Variants in SGIP1 observed in about 807,000 individuals in gnomAD.
SGIP1 encodes the protein SH3-containing GRB2-like protein 3-interacting protein 1.
In SGIP1, 38 loss-of-function variants were observed where a neutral mutation model predicts 107.5. The observed-to-expected ratio is 0.35, with a 90% CI of 0.27 to 0.46. The LOEUF (loss-of-function observed/expected upper bound fraction) is 0.46. SGIP1 is among the 20% of genes least tolerant of loss of function. SGIP1 has a pLI of 1.00. For missense variants in SGIP1, 929 were observed against 1,019.5 expected (o/e 0.91, Z 1.21); for synonymous variants, 365 against 366.1 (o/e 1.00, Z 0.03).
At chr1:66,732,986 T>C (rs1259745957) in intron 20 of SGIP1, among the ~76,000 whole-genome samples, 3 of 152,244 alleles carry the variant, frequency 2.0e-5, no homozygotes, top group African/African-American at 7.2e-5. Context: ...GTTTGTACAC[T>C]CTTGCCTGAT....
intron 8 of SGIP1, chr1:66,666,029 G>A (rs571643514): frequency 1.3e-5 from 2 of 152,274 alleles, no homozygotes; most frequent in South Asian, 4.1e-4. Flanking sequence ...TGGTGTTTTA[G>A]TCATGAAGTC....
chr1:66,740,508 G>A lies in SGIP1; in HGVS notation c.2235-150G>A, dbSNP rs1055859464. 1.9e-5 allele frequency: 12 copies of A among 645,374 alleles called. 1 individual carries two copies. In the East Asian group the frequency reaches 2.8e-4, roughly 15 times the overall value. 40.0% of individuals were successfully genotyped at this position (645,374 alleles called of 1,614,324 possible). A position where few individuals can be genotyped will look rare whatever the true frequency, so the allele number is the denominator to read the frequency against. On this transcript the variant is annotated intron_variant, in intron 22 of 24. Coordinates refer to ENST00000371037, the MANE Select transcript of SGIP1 (RefSeq NM_032291.4). ...AAAAGAGATTTATGTATGTCTGGGAGGGGAGAGAGAGAGACAGGGAATTTT... is the reference window on the plus strand; with the variant it reads ...AAAAGAGATTTATGTATGTCTGGGAAGGGAGAGAGAGAGACAGGGAATTTT...
At chr1:66,592,504 T>C (rs967465469) in intron 1 of SGIP1, among the ~76,000 whole-genome samples, 1 of 152,212 alleles carries the variant, frequency 6.6e-6, no homozygotes, top group African/African-American at 2.4e-5. Flanking sequence ...TATGTCTACT[T>C]CTTTCTACAT....
chr1:66,644,184 C>T (rs533392083), intron 7 of SGIP1, among the ~76,000 whole-genome samples: 10 of 152,092 alleles, frequency 6.6e-5, no homozygotes, highest in African/African-American at 2.4e-4. Flanking sequence ...AAAAACTAAT[C>T]CAAATCATAG....
intron 18 of SGIP1, among the ~76,000 whole-genome samples, chr1:66,701,196 T>C (rs1228860899): frequency 2.0e-4 from 31 of 152,166 alleles, no homozygotes; most frequent in Admixed American, 2.0e-3. Flanking sequence ...TACTAATTCA[T>C]TCATTTGAGA....
At chr1:66,564,184 A>C (rs1215468577) in intron 1 of SGIP1, among the ~76,000 whole-genome samples, 1 of 151,974 alleles carries the variant, frequency 6.6e-6, no homozygotes, top group African/African-American at 2.4e-5. Flanking sequence ...GGAAACGACT[A>C]AACTAGTTCA....
upstream of SGIP1, among the ~76,000 whole-genome samples, chr1:66,533,940 G>A (rs2052958101): frequency 6.6e-6 from 1 of 151,728 alleles, no homozygotes; most frequent in Admixed American, 6.6e-5. Context: ...GTCACCAGGT[G>A]GGGAAGGGGC....
At chr1:66,633,473 C>T (rs1023770134) in intron 3 of SGIP1, among the ~76,000 whole-genome samples, 1 of 152,106 alleles carries the variant, frequency 6.6e-6, no homozygotes, top group African/African-American at 2.4e-5. Flanking sequence ...AAGCTGAGAT[C>T]CAAGAAAATT....
At chr1:66,695,389 C>T (rs745853670) in intron 17 of SGIP1, 45 bp from the exon 18 acceptor site, 1 of 1,613,886 alleles carries the variant, frequency 6.2e-7, no homozygotes, top group Non-Finnish European at 8.5e-7. Flanking sequence ...TTCTCTCTCC[C>T]TTTCCTTAAC....
intron 1 of SGIP1, among the ~76,000 whole-genome samples, chr1:66,613,244 G>A (rs114097544): frequency 0.016 from 2,361 of 152,194 alleles, 60 homozygotes; most frequent in African/African-American, 0.051. Context: ...AAAAATCAGA[G>A]GATGTCACTT....
rs924463591 is a variant in SGIP1, at chr1:66,638,452, A to G, written c.172-1325A>G. ...AAGATTAAAATGATGTAGTCTGCAT[A>G]CAAATAATCTATGTCAGAAGTGGGA... On this transcript the variant is annotated intron_variant, in intron 4 of 24. Coordinates refer to ENST00000371037, the MANE Select transcript of SGIP1 (RefSeq NM_032291.4). Among the ~76,000 whole-genome samples the G allele has an allele frequency of 2.6e-5, 4 of 152,228 alleles. No individual in the cohort carries two copies. In the East Asian group the frequency reaches 7.7e-4, roughly 29 times the overall value.
chr1:66,570,287 CCT>C (rs2060210034), intron 1 of SGIP1, among the ~76,000 whole-genome samples: 1 of 151,648 alleles, frequency 6.6e-6, no homozygotes, highest in African/African-American at 2.4e-5. Context: ...TGAAACTTCC[CCT>C]GTTTTGTTTG....
intron 17 of SGIP1, 53 bp from the exon 18 acceptor site, chr1:66,695,379 TTC>T (rs753093725): frequency 8.1e-6 from 13 of 1,613,350 alleles, no homozygotes; most frequent in Non-Finnish European, 1.0e-5. Context: ...CATTGTGTCC[TTC>T]TCTCTCCCTT....
chr1:66,729,376 A>G lies in SGIP1; in HGVS notation c.1855A>G (p.Ser619Gly), dbSNP rs145638797. 2 of 1,614,012 alleles carry G rather than the reference A, an allele frequency of 1.2e-6. No homozygotes were observed. Among genetic ancestry groups the G allele is most frequent in the African/African-American group, 2.7e-5 (2 of 74,908 alleles). Residue 619 changes from serine to glycine, a missense_variant, in exon 20 of 25, where the codon AGC becomes GGC. Coordinates refer to ENST00000371037, the MANE Select transcript of SGIP1 (RefSeq NM_032291.4). ...AALTFRVINF[S>G]RLEHVLPNPQ... ...TCTGACTTTTCGGGTGATAAATTTC[A>G]GCAGGTTAGAACACGTCCTGCCAAA...
chr1:66,655,702 T>C (rs2079621841), intron 7 of SGIP1, among the ~76,000 whole-genome samples: 1 of 151,988 alleles, frequency 6.6e-6, no homozygotes, highest in Non-Finnish European at 1.5e-5. Context: ...TATCCAAACA[T>C]AGAAAAAGTA....
chr1:66,674,060 C>T (rs1044114110), intron 12 of SGIP1, among the ~76,000 whole-genome samples: 1 of 151,872 alleles, frequency 6.6e-6, no homozygotes, highest in Non-Finnish European at 1.5e-5. Flanking sequence ...CCCAGCTGCT[C>T]GGGAGGCTGA....
intron 2 of SGIP1, chr1:66,628,559 C>A (rs1032381364): frequency 6.5e-6 from 1 of 154,764 alleles, no homozygotes; most frequent in Non-Finnish European, 1.5e-5. Flanking sequence ...TTAATGGAAA[C>A]CAAATCCATT....
At chr1:66,554,534 C>T (rs1345953760) in intron 1 of SGIP1, among the ~76,000 whole-genome samples, 1 of 152,022 alleles carries the variant, frequency 6.6e-6, no homozygotes, top group Non-Finnish European at 1.5e-5. Flanking sequence ...GTGGAAAAGT[C>T]CACACCTAAC....
chr1:66,739,659 C>A, intron 22 of SGIP1, 122 bp downstream of exon 22: 2 of 946,248 alleles, frequency 2.1e-6, no homozygotes, highest in Non-Finnish European at 3.2e-6. Flanking sequence ...GGGTTCAGGG[C>A]AGGAAATAGA....
Sources: gnomAD v4.1 joint callset for allele counts (sites outside exome capture counted in the v4.1 genomes callset) on GRCh38, gnomAD v4.1.1 for gene constraint, MANE v1.5 for transcripts, NCBI Gene and HGNC (gene_info 2026-07-23, HGNC 2026-07-21) for gene names.